The following ANKRD11 variants were observed in gnomAD, a reference collection of about 807,000 sequenced individuals.
ANKRD11 encodes the protein ankyrin repeat domain 11.
In ANKRD11, 17 loss-of-function variants were observed where a neutral mutation model predicts 195.7. That is an observed-to-expected ratio of 0.09 (90% confidence interval 0.06 to 0.13). The LOEUF (loss-of-function observed/expected upper bound fraction) is 0.13, where lower values mean the gene tolerates loss of function less well. Ranked by LOEUF, ANKRD11 falls within the 10% of genes least tolerant of loss-of-function variation. ANKRD11 has a pLI of 1.00. For missense variants in ANKRD11, 3,735 were observed against 3,566.1 expected, an observed-to-expected ratio of 1.05 and a Z score of -1.21; for synonymous variants, 1,953 against 1,528.1, an observed-to-expected ratio of 1.28 and a Z score of -6.49.
At position 89,279,014 on chromosome 16, in the gene ANKRD11, G is replaced by A. The variant is rs1471040716; in HGVS notation, c.7470+58C>T. 1.1e-5 allele frequency: 17 copies of A among 1,603,740 alleles called. No individual in the cohort carries two copies. Among genetic ancestry groups the A allele is most frequent in the Non-Finnish European group, 1.4e-5 (17 of 1,175,648 alleles). ...ACGGGCTGGAGGAAGCCGTGACTAG[G>A]GGCCCCAGACGCATCCCAGAGAGAG... On this transcript the variant is annotated intron_variant, in intron 9 of 12. Transcript: ENST00000301030. This position sits in a 1 kb window ranked among gnomAD's most constrained non-coding sequence, Gnocchi z 5.6.
intron 2 of ANKRD11, among the ~76,000 whole-genome samples, chr16:89,379,708 G>A (rs989768140): frequency 6.6e-6 from 1 of 152,238 alleles, no homozygotes; most frequent in Non-Finnish European, 1.5e-5. Context: ...AGAGCTCCGT[G>A]CAGTGCACGG....
intron 1 of ANKRD11, among the ~76,000 whole-genome samples, chr16:89,483,567 G>A (rs1467866912): frequency 1.3e-5 from 2 of 152,226 alleles, no homozygotes; most frequent in Non-Finnish European, 1.5e-5. Context: ...GGTGGCTCAC[G>A]CCTGTAATCC....
chr16:89,286,719 G>C (rs1044438104), intron 7 of ANKRD11: 24 of 1,267,690 alleles, frequency 1.9e-5, no homozygotes, highest in East Asian at 5.6e-5. Context: ...TCTCTCCCTT[G>C]CTTGATTTTA....
chr16:89,344,754 C>T lies in ANKRD11; in HGVS notation c.-59-27676G>A, dbSNP rs1567677841. 3.3e-5 allele frequency among the ~76,000 whole-genome samples: 5 copies of T among 150,272 alleles called. No homozygotes were observed. In the South Asian group the frequency reaches 6.2e-4, roughly 19 times the overall value. On this transcript the variant is annotated intron_variant, in intron 2 of 12. Coordinates refer to ENST00000301030, the MANE Select transcript of ANKRD11 (RefSeq NM_013275.6). Reference sequence around the variant, plus strand: ...GGGCACGGGAGCACAGCGGAGGGCACGGGAGCACAGCGGAGGGCCAGACGT... The same window carrying T: ...GGGCACGGGAGCACAGCGGAGGGCATGGGAGCACAGCGGAGGGCCAGACGT...
chr16:89,453,651 G>C (rs1360435915), intron 1 of ANKRD11, among the ~76,000 whole-genome samples: 2 of 152,172 alleles, frequency 1.3e-5, no homozygotes, highest in Non-Finnish European at 2.9e-5. Flanking sequence ...ATCTGTTCAA[G>C]CACGAAAAAA....
intron 2 of ANKRD11, among the ~76,000 whole-genome samples, chr16:89,406,625 G>A (rs781141252): frequency 6.6e-6 from 1 of 152,216 alleles, no homozygotes; most frequent in South Asian, 2.1e-4. Flanking sequence ...GGAAGGCCCA[G>A]GGCAGGACAT....
At chr16:89,490,145 G>A (rs1205988488) in intron 1 of ANKRD11, 100 bp downstream of exon 1, 2 of 134,228 alleles carry the variant, frequency 1.5e-5, no homozygotes, top group Admixed American at 7.6e-5. Flanking sequence ...GGAGGCCCGC[G>A]GCGCAGCTCC....
In ANKRD11 at chr16:89,291,247, G is replaced by A. The variant is rs2035044873; in HGVS notation, c.227-64C>T. On this transcript the variant is annotated intron_variant, in intron 4 of 12. Transcript: ENST00000301030. The surrounding 1 kb of genome is among the most constrained non-coding windows in gnomAD (Gnocchi z 5.3). ...ATGCCATGGTGTCCTCCAAAGCTAG[G>A]TCCTTACCTAATGTTACGGAGCCCC... 16 of 1,595,820 alleles carry A rather than the reference G, an allele frequency of 1.0e-5. No homozygotes were observed. The highest frequency in any genetic ancestry group is 1.4e-5 in the Non-Finnish European group (16 of 1,172,562).
intron 1 of ANKRD11, among the ~76,000 whole-genome samples, chr16:89,455,282 T>C (rs2056382156): frequency 6.7e-6 from 1 of 149,198 alleles, no homozygotes. Context: ...TGGGTGCTTC[T>C]AGCGTTCCTC....
rs771037147 is a variant in ANKRD11 at position 89,280,470 on chromosome 16, CGGGGCAGGA to C, written c.6063_6071del (p.Pro2022_Pro2024del). ...CCGGCTCAGCGACGGGCAGAGCGTA[CGGGGCAGGA>C]GAGGCGGGAGGGGCGGGGTACGGCG... On this transcript the variant is annotated inframe_deletion, in exon 9 of 13. Coordinates refer to ENST00000301030, the MANE Select transcript of ANKRD11 (RefSeq NM_013275.6). 8 of 1,601,886 alleles carry C rather than the reference CGGGGCAGGA, an allele frequency of 5.0e-6. No homozygotes were observed. The Admixed American group carries it at 8.5e-5, about 17-fold the overall frequency.
chr16:89,422,732 A>G (rs994060878), intron 1 of ANKRD11, among the ~76,000 whole-genome samples: 1 of 152,174 alleles, frequency 6.6e-6, no homozygotes, highest in Non-Finnish European at 1.5e-5. Context: ...CCTGATGCTT[A>G]TTTTTGGAAA....
Position 89,284,935 on chromosome 16 carries a change from G to C in ANKRD11, c.1607C>G (p.Pro536Arg), listed in dbSNP as rs1430125539. ...HGSSAAQKQN[P>R]SHTDQHTKHW... ...CTTGGTGTGCTGGTCTGTGTGGCTG[G>C]GGTTCTGCTTCTGGGCGGCAGAGCT... Residue 536 changes from proline to arginine, a missense_variant, in exon 9 of 13, where the codon CCC becomes CGC. Pro to Arg is a moderately radical substitution (Grantham distance 103). Coordinates refer to ENST00000301030, the MANE Select transcript of ANKRD11 (RefSeq NM_013275.6). The C allele has an allele frequency of 6.2e-7, 1 of 1,614,054 alleles. No homozygotes were observed. Among genetic ancestry groups the C allele is most frequent in the Non-Finnish European group, 8.5e-7 (1 of 1,180,042 alleles).
In ANKRD11 at chr16:89,283,709, C is replaced by A; in HGVS notation, c.2833G>T (p.Ala945Ser). The A allele has an allele frequency of 6.2e-7, 1 of 1,613,590 alleles. No homozygotes were observed. The highest frequency in any genetic ancestry group is 8.5e-7 in the Non-Finnish European group (1 of 1,180,044). Reference protein sequence around the residue: ...SEKDKKRRESAEAGRDRKDAL... With the variant: ...SEKDKKRRESSEAGRDRKDAL... Reference sequence around the variant, plus strand: ...TCCTTTCTGTCCCGCCCGGCCTCTGCGGACTCTCTCCTCTTCTTGTCCTTT... The same window carrying A: ...TCCTTTCTGTCCCGCCCGGCCTCTGAGGACTCTCTCCTCTTCTTGTCCTTT... The change falls in exon 9 of 13, where the codon GCA becomes TCA. Residue 945 changes from alanine to serine, a missense_variant. Ala to Ser is a moderately conservative substitution (Grantham distance 99, BLOSUM62 1). Transcript: ENST00000301030. The surrounding 1 kb of genome is among the most constrained non-coding windows in gnomAD (Gnocchi z 4.3).
intron 2 of ANKRD11, chr16:89,360,501 T>C (rs1031792518): frequency 6.6e-5 from 10 of 152,196 alleles, no homozygotes; most frequent in Non-Finnish European, 1.3e-4. Flanking sequence ...ATTTAAAAGA[T>C]TAAAAAACCA....
rs1597459649 is a variant in ANKRD11 at position 89,283,838 on chromosome 16, C to G, written c.2704G>C (p.Glu902Gln). Residue 902 changes from glutamate to glutamine, a missense_variant, in exon 9 of 13, where the codon GAG becomes CAG. Coordinates refer to ENST00000301030, the MANE Select transcript of ANKRD11 (RefSeq NM_013275.6). The surrounding 1 kb of genome is among the most constrained non-coding windows in gnomAD (Gnocchi z 4.3). ...CTGTCCTTCTTTCGGAAGAAGGGCTCTCTGTAGTCTCGCTTCTCCCGGGCC... is the reference window on the plus strand; with the variant it reads ...CTGTCCTTCTTTCGGAAGAAGGGCTGTCTGTAGTCTCGCTTCTCCCGGGCC... Reference protein sequence around the residue: ...SRAREKRDYREPFFRKKDRDY... With the variant: ...SRAREKRDYRQPFFRKKDRDY... 6.2e-7 allele frequency: 1 copy of G among 1,614,188 alleles called. No individual in the cohort carries two copies. Among genetic ancestry groups the G allele is most frequent in the Non-Finnish European group, 8.5e-7 (1 of 1,180,036 alleles).
chr16:89,485,983 T>C (rs965869613), intron 1 of ANKRD11, among the ~76,000 whole-genome samples: 2 of 152,190 alleles, frequency 1.3e-5, no homozygotes, highest in African/African-American at 4.8e-5. Context: ...AAAAACTGCT[T>C]CTGGCCCTTC....
At chr16:89,462,901 G>A (rs2056739763) in intron 1 of ANKRD11, among the ~76,000 whole-genome samples, 1 of 151,690 alleles carries the variant, frequency 6.6e-6, no homozygotes, top group Non-Finnish European at 1.5e-5. Context: ...GGGAGGTGAG[G>A]GGGTCAGCCC....
intron 2 of ANKRD11, among the ~76,000 whole-genome samples, chr16:89,390,110 C>T (rs577515852): frequency 1.8e-5 from 1 of 54,364 alleles, no homozygotes; most frequent in Non-Finnish European, 3.2e-5. Context: ...ATCACTGGGG[C>T]GAACACCGAG....
rs139919313 is a variant in ANKRD11 at position 89,288,303 on chromosome 16, T to C, written c.744+225A>G. On this transcript the variant is annotated intron_variant, in intron 7 of 12. Transcript: ENST00000301030. ...ACGGCTAGCGGATACGAGCCTTTCATAGATGGCACTTGCTGGGAAACCTGT... is the reference window on the plus strand; with the variant it reads ...ACGGCTAGCGGATACGAGCCTTTCACAGATGGCACTTGCTGGGAAACCTGT... 3,800 of 708,874 alleles carry C rather than the reference T, an allele frequency of 5.4e-3. 32 individuals carry two copies. The highest frequency in any genetic ancestry group is 0.02 in the South Asian group (1,233 of 62,920). 43.9% of individuals were successfully genotyped at this position (708,874 alleles called of 1,614,324 possible).
Sources: allele counts gnomAD v4.1 joint callset (sites outside exome capture counted in the v4.1 genomes callset), GRCh38; gene constraint gnomAD v4.1.1; non-coding constraint Gnocchi (gnomAD v3.1); transcripts MANE v1.5; gene names NCBI Gene and HGNC (gene_info 2026-07-23, HGNC 2026-07-21).